BTBD7: variants seen among roughly 807,000 people sequenced by gnomAD.
BTBD7 encodes BTB/POZ domain-containing protein 7.
BTBD7 carries 38 observed loss-of-function variants against 99.9 expected under a neutral mutation model. That is an observed-to-expected ratio of 0.38 (90% CI 0.29 to 0.50). The LOEUF (loss-of-function observed/expected upper bound fraction) is 0.50. BTBD7 is among the 20% of genes least tolerant of loss of function. The pLI is 0.93. For synonymous variants in BTBD7, 520 were observed against 511.4 expected, an observed-to-expected ratio of 1.02 and a Z score of -0.23; for missense variants, 1,170 against 1,394.6, an observed-to-expected ratio of 0.84 and a Z score of 2.57.
chr14:93,324,459 C>A (rs2053306041), intron 1 of BTBD7, among the ~76,000 whole-genome samples: 1 of 146,568 alleles, frequency 6.8e-6, no homozygotes, highest in East Asian at 1.9e-4. Context: ...GCAAATAACT[C>A]CAAAGAACTG....
chr14:93,276,808 A>G (rs1040247743), intron 3 of BTBD7, among the ~76,000 whole-genome samples: 1 of 151,646 alleles, frequency 6.6e-6, no homozygotes, highest in African/African-American at 2.4e-5. Context: ...GAATAACTTT[A>G]GTAACTTAGT....
chr14:93,295,187 C>T (rs2052910131), intron 2 of BTBD7, among the ~76,000 whole-genome samples: 1 of 152,200 alleles, frequency 6.6e-6, no homozygotes, highest in South Asian at 2.1e-4. Context: ...TAGCTCACTG[C>T]AGCCTCAAAC....
At chr14:93,275,917 C>T (rs1386330935) in intron 3 of BTBD7, among the ~76,000 whole-genome samples, 1 of 152,104 alleles carries the variant, frequency 6.6e-6, no homozygotes, top group African/African-American at 2.4e-5. Flanking sequence ...AGTCTCTGTC[C>T]GTTTTAATAG....
At chr14:93,329,564 G>C (rs994179543) in intron 1 of BTBD7, among the ~76,000 whole-genome samples, 1 of 152,072 alleles carries the variant, frequency 6.6e-6, no homozygotes, top group Non-Finnish European at 1.5e-5. Flanking sequence ...CCATTGAGGG[G>C]AACTTAACAA....
chr14:93,239,256 G>A lies in BTBD7; in HGVS notation c.*3017C>T, dbSNP rs2052193435. 6.6e-6 allele frequency: 1 copy of A among 152,432 alleles called. No homozygotes were observed. The highest frequency in any genetic ancestry group is 2.4e-5 in the African/African-American group (1 of 41,390). 9.4% of individuals were successfully genotyped at this position (152,432 alleles called of 1,614,324 possible). A position where few individuals can be genotyped will look rare whatever the true frequency, so the allele number is the denominator to read the frequency against. On this transcript the variant is annotated 3_prime_UTR_variant, in exon 11 of 11. Coordinates refer to ENST00000334746, the MANE Select transcript of BTBD7 (RefSeq NM_001002860.4). ...CTTTAAGAAACTTGAACGTCCTCTC[G>A]GCTCTAGCGTGTAAACGGTAGGTCT...
chr14:93,257,459 A>C, intron 5 of BTBD7, 104 bp from the exon 6 acceptor site: 1 of 1,016,976 alleles, frequency 9.8e-7, no homozygotes, highest in Non-Finnish European at 1.4e-6. Flanking sequence ...CTATAGACTT[A>C]TGTGCCTCTG....
chr14:93,250,146 C>A (rs908997425), intron 8 of BTBD7, among the ~76,000 whole-genome samples: 2 of 152,158 alleles, frequency 1.3e-5, no homozygotes, highest in Non-Finnish European at 2.9e-5. Context: ...AACAAGCTAT[C>A]CATCCTTTCA....
At chr14:93,288,674 G>C in intron 3 of BTBD7, 1 of 1,542,936 alleles carries the variant, frequency 6.5e-7, no homozygotes. Context: ...TGAAAGCTCT[G>C]CTGCACAGGC....
chr14:93,271,190 G>A (rs1236409766), intron 3 of BTBD7, among the ~76,000 whole-genome samples: 7 of 152,060 alleles, frequency 4.6e-5, no homozygotes, highest in Admixed American at 2.0e-4. Flanking sequence ...TAGCCTCAAC[G>A]TTGACAGTTC....
intron 1 of BTBD7, among the ~76,000 whole-genome samples, chr14:93,300,758 G>GTATATA (rs2052990579): frequency 2.3e-5 from 1 of 44,012 alleles, no homozygotes; most frequent in East Asian, 5.5e-4. Flanking sequence ...GTGTGTGTGT[G>GTATATA]TGTGTGTGTG....
intron 3 of BTBD7, chr14:93,288,092 T>C (rs1180718934): frequency 5.7e-6 from 1 of 174,408 alleles, no homozygotes; most frequent in Non-Finnish European, 1.2e-5. Flanking sequence ...CTGATTCCTA[T>C]TTCTTTGCAT....
At chr14:93,302,097 G>A in intron 1 of BTBD7, among the ~76,000 whole-genome samples, 1 of 152,164 alleles carries the variant, frequency 6.6e-6, no homozygotes, top group Non-Finnish European at 1.5e-5. Context: ...TGTCTGGCTG[G>A]CAAAAACAAG....
rs74440361 is a variant in BTBD7, at chr14:93,322,215, C to T, written c.-107+10605G>A. 1.5e-3 allele frequency among the ~76,000 whole-genome samples: 232 copies of T among 152,206 alleles called. 1 individual carries two copies. Among genetic ancestry groups the T allele is most frequent in the Non-Finnish European group, 2.4e-3 (164 of 68,002 alleles). ...ATAACCTCAAATTTCTGGGCTCAAG[C>T]GATCCTTCCACCTCAGCCTCTCGAA... On this transcript the variant is annotated intron_variant, in intron 1 of 10. Coordinates refer to ENST00000334746, the MANE Select transcript of BTBD7 (RefSeq NM_001002860.4).
At chr14:93,325,418 G>A (rs879766517) in intron 1 of BTBD7, among the ~76,000 whole-genome samples, 14 of 136,038 alleles carry the variant, frequency 1.0e-4, no homozygotes, top group Non-Finnish European at 1.7e-4. Flanking sequence ...GTGAGCCATC[G>A]TGTCTGGCCT....
At chr14:93,293,403 T>C (rs190220143) in intron 3 of BTBD7, among the ~76,000 whole-genome samples, 1 of 152,320 alleles carries the variant, frequency 6.6e-6, no homozygotes, top group East Asian at 1.9e-4. Context: ...CCCTGCCCAA[T>C]TCTGATTCAA....
chr14:93,333,000 T>G lies in BTBD7; in HGVS notation c.-287A>C. On this transcript the variant is annotated 5_prime_UTR_variant, in exon 1 of 11. Coordinates refer to ENST00000334746, the MANE Select transcript of BTBD7 (RefSeq NM_001002860.4). ...GCTCAGGCTCCGGGACTGCTCCAGG[T>G]TCCCCTCGCCGCCATTTTGACTCCT... 1.8e-6 allele frequency: 1 copy of G among 541,300 alleles called. No individual in the cohort carries two copies. Among genetic ancestry groups the G allele is most frequent in the Non-Finnish European group, 3.1e-6 (1 of 322,506 alleles). 33.5% of individuals were successfully genotyped at this position (541,300 alleles called of 1,614,324 possible). A position where few individuals can be genotyped will look rare whatever the true frequency, so the allele number is the denominator to read the frequency against.
At chr14:93,264,019 G>A (rs755421859) in intron 3 of BTBD7, 26 bp from the exon 4 acceptor site, 1 of 1,579,694 alleles carries the variant, frequency 6.3e-7, no homozygotes, top group East Asian at 2.2e-5. Flanking sequence ...AATACTTCTT[G>A]AGATTAATCA....
intron 1 of BTBD7, among the ~76,000 whole-genome samples, chr14:93,303,576 C>T (rs973445907): frequency 1.2e-4 from 18 of 152,210 alleles, no homozygotes; most frequent in Non-Finnish European, 4.4e-5. Context: ...ACTAGACGAA[C>T]TACATCTTAA....
intron 1 of BTBD7, among the ~76,000 whole-genome samples, chr14:93,327,255 C>T (rs2053344379): frequency 6.6e-6 from 1 of 152,198 alleles, no homozygotes; most frequent in Non-Finnish European, 1.5e-5. Flanking sequence ...AAACCTTACT[C>T]TTCTGCTTCT....
Sources: gnomAD v4.1 joint callset for allele counts (sites outside exome capture counted in the v4.1 genomes callset) on GRCh38, gnomAD v4.1.1 for gene constraint, MANE v1.5 for transcripts, NCBI Gene and HGNC (gene_info 2026-07-23, HGNC 2026-07-21) for gene names.